RGSL1: variants seen among roughly 807,000 people sequenced by gnomAD.
RGSL1 encodes the protein regulator of G protein signaling protein-like.
A neutral mutation model predicts 124.7 loss-of-function variants in RGSL1; 97 were observed. That is an observed-to-expected ratio of 0.78 (90% CI 0.66 to 0.92). RGSL1 has a LOEUF of 0.92. Among genes scored for constraint, RGSL1 ranks in the 40% least tolerant of loss-of-function variants. The pLI is 0.00. For missense variants in RGSL1, 1,233 were observed against 1,288.4 expected (o/e 0.96, Z 0.66); for synonymous variants, 424 against 438.1 (o/e 0.97, Z 0.40).
At chr1:182,527,227 C>T (rs1324160556) in intron 10 of RGSL1, among the ~76,000 whole-genome samples, 1 of 152,126 alleles carries the variant, frequency 6.6e-6, no homozygotes, top group Non-Finnish European at 1.5e-5. Context: ...AAACATTAAT[C>T]AAAAACTGCT....
At chr1:182,508,803 C>T (rs2102180842) in intron 9 of RGSL1, among the ~76,000 whole-genome samples, 1 of 125,908 alleles carries the variant, frequency 7.9e-6, no homozygotes, top group South Asian at 3.0e-4. Flanking sequence ...GAACAAAGGT[C>T]TCTGGTTTTC....
At chr1:182,534,826 C>CAAAAAAAAAAA in intron 14 of RGSL1, among the ~76,000 whole-genome samples, 1 of 132,452 alleles carries the variant, frequency 7.5e-6, no homozygotes, top group Non-Finnish European at 1.6e-5. Flanking sequence ...GACTCCATCT[C>CAAAAAAAAAAA]AAAAAAAAAA....
chr1:182,513,490 G>C (rs1330806442), intron 9 of RGSL1, among the ~76,000 whole-genome samples: 2 of 152,204 alleles, frequency 1.3e-5, no homozygotes, highest in African/African-American at 4.8e-5. Flanking sequence ...TGCACCCCAA[G>C]CTGTTTTGCC....
intron 6 of RGSL1, among the ~76,000 whole-genome samples, chr1:182,481,875 G>A (rs1472576888): frequency 6.6e-6 from 1 of 152,042 alleles, no homozygotes; most frequent in African/African-American, 2.4e-5. Context: ...AGCTACTTGG[G>A]ATGCTGAGAA....
At chr1:182,496,611 G>T (rs1001358694) in intron 9 of RGSL1, among the ~76,000 whole-genome samples, 1 of 152,120 alleles carries the variant, frequency 6.6e-6, no homozygotes, top group Non-Finnish European at 1.5e-5. Context: ...AAAACCATGA[G>T]ATCTGTTGTG....
At chr1:182,467,839 A>G (rs1391179699) in intron 4 of RGSL1, among the ~76,000 whole-genome samples, 1 of 152,218 alleles carries the variant, frequency 6.6e-6, no homozygotes, top group Non-Finnish European at 1.5e-5. Context: ...CAACCTACGG[A>G]ATGGAAGAAA....
At chr1:182,544,347 C>T (rs1392842589) in intron 15 of RGSL1, among the ~76,000 whole-genome samples, 3 of 151,936 alleles carry the variant, frequency 2.0e-5, no homozygotes, top group Non-Finnish European at 4.4e-5. Context: ...TAGTTTTTTT[C>T]CATCATGGTC....
At chr1:182,522,682 A>T (rs1198132478) in intron 10 of RGSL1, among the ~76,000 whole-genome samples, 2 of 152,210 alleles carry the variant, frequency 1.3e-5, no homozygotes, top group African/African-American at 4.8e-5. Flanking sequence ...ACCTATACAT[A>T]AAAATTTCTC....
At chr1:182,459,956 A>G in intron 3 of RGSL1, 48 bp from the exon 4 acceptor site, 2 of 1,532,216 alleles carry the variant, frequency 1.3e-6, no homozygotes, top group African/African-American at 2.8e-5. Context: ...TTTTTTTAGC[A>G]GTTCGGTTTC....
At chr1:182,535,498 T>G (rs906837207) in intron 14 of RGSL1, among the ~76,000 whole-genome samples, 2 of 152,200 alleles carry the variant, frequency 1.3e-5, no homozygotes, top group African/African-American at 4.8e-5. Context: ...CTGCCTGTCC[T>G]TTTCTCCTAG....
At chr1:182,556,752 T>C in intron 21 of RGSL1, among the ~76,000 whole-genome samples, 1 of 152,186 alleles carries the variant, frequency 6.6e-6, no homozygotes, top group East Asian at 1.9e-4. Flanking sequence ...AAAAAAACTT[T>C]AAGGTTTTTG....
At chr1:182,452,000 A>G (rs1378499368) in intron 1 of RGSL1, among the ~76,000 whole-genome samples, 1 of 152,096 alleles carries the variant, frequency 6.6e-6, no homozygotes, top group Admixed American at 6.6e-5. Context: ...TAAGAGCAAG[A>G]GTAAGAGAGA....
At chr1:182,463,020 G>A (rs1457034691) in intron 4 of RGSL1, among the ~76,000 whole-genome samples, 5 of 152,266 alleles carry the variant, frequency 3.3e-5, no homozygotes, top group East Asian at 1.9e-4. Flanking sequence ...CAGGCTGGGC[G>A]TGGTGGCTCA....
intron 14 of RGSL1, among the ~76,000 whole-genome samples, chr1:182,536,157 GTAT>G (rs1659523106): frequency 6.6e-6 from 1 of 152,110 alleles, no homozygotes; most frequent in Admixed American, 6.5e-5. Context: ...TTGCTGGGTA[GTAT>G]TCCATTATAC....
At chr1:182,499,056 G>A (rs1656156494) in intron 9 of RGSL1, among the ~76,000 whole-genome samples, 2 of 152,182 alleles carry the variant, frequency 1.3e-5, no homozygotes, top group African/African-American at 4.8e-5. Flanking sequence ...ACCTCCCAAA[G>A]TGCTGGGATT....
chr1:182,503,974 C>CTTTTTTTATTTTT (rs1656599985), intron 9 of RGSL1, among the ~76,000 whole-genome samples: 1 of 118,240 alleles, frequency 8.5e-6, no homozygotes. Context: ...TTTGTAATTT[C>CTTTTTTTATTTTT]TTTTTTTTTT....
chr1:182,473,732 A>T lies in RGSL1; in HGVS notation c.621A>T (p.Ala207=). The change falls in exon 6 of 22, where the codon GCA becomes GCT. Residue 207 remains alanine (A), a synonymous_variant. Transcript: ENST00000294854. ...AGATGACCATGGCCAAGGAGGAAGC[A>T]TGCCATGGTCTGATGCAAGAGTACG... ...HTKMTMAKEE[A]CHGLMQEYET... 6.4e-7 allele frequency: 1 copy of T among 1,551,810 alleles called. No individual in the cohort carries two copies. Among genetic ancestry groups the T allele is most frequent in the Non-Finnish European group, 8.7e-7 (1 of 1,147,006 alleles).
intron 11 of RGSL1, among the ~76,000 whole-genome samples, chr1:182,528,379 A>G (rs1461000750): frequency 6.6e-6 from 1 of 152,154 alleles, no homozygotes; most frequent in African/African-American, 2.4e-5. Flanking sequence ...AAACACAATC[A>G]TGCCCTTCCA....
intron 1 of RGSL1, among the ~76,000 whole-genome samples, chr1:182,451,122 G>A (rs1228943056): frequency 6.7e-6 from 1 of 148,660 alleles, no homozygotes; most frequent in Non-Finnish European, 1.5e-5. Context: ...TTCCAGCCTG[G>A]GTGACGGAGT....
Sources: allele counts gnomAD v4.1 joint callset (sites outside exome capture counted in the v4.1 genomes callset), GRCh38; gene constraint gnomAD v4.1.1; transcripts MANE v1.5; gene names NCBI Gene and HGNC (gene_info 2026-07-23, HGNC 2026-07-21).